CEP295: variants seen among roughly 807,000 people sequenced by gnomAD.
CEP295 encodes centrosomal protein 295.
Under a neutral mutation model 291.6 loss-of-function variants are expected in CEP295, and 190 were observed. That is an observed-to-expected ratio of 0.65 (90% CI 0.58 to 0.73). The LOEUF (loss-of-function observed/expected upper bound fraction) is 0.73. CEP295 is among the 30% of genes least tolerant of loss of function. The pLI, the probability that CEP295 is intolerant of heterozygous loss-of-function variation, is 0.00. For synonymous variants in CEP295, 993 were observed against 1,038.8 expected (o/e 0.96, Z 0.85); for missense variants, 2,863 against 2,949.4 (o/e 0.97, Z 0.68).
chr11:93,729,947 C>T lies in CEP295; in HGVS notation c.7645C>T (p.Leu2549=), dbSNP rs1938180691. Residue 2549 remains leucine, a synonymous_variant, in exon 28 of 30, where the codon CTA becomes TTA. Coordinates refer to ENST00000325212, the MANE Select transcript of CEP295 (RefSeq NM_033395.2). The part of the protein sequence containing the change: ...FPEDRKTTQA[L]RHQRGLRLYN... ...TGAAGACAGAAAGACTACACAGGCT[C>T]TAAGGCACCAAAGGGGTCTAAGGTA... 13 of 1,543,632 alleles carry T rather than the reference C, an allele frequency of 8.4e-6. No homozygotes were observed. Among genetic ancestry groups the T allele is most frequent in the Admixed American group, 2.0e-5 (1 of 49,216 alleles).
At chr11:93,705,577 T>A (rs1392233502) in intron 17 of CEP295, among the ~76,000 whole-genome samples, 1 of 152,242 alleles carries the variant, frequency 6.6e-6, no homozygotes, top group Non-Finnish European at 1.5e-5. Context: ...TCTCTGATTA[T>A]TTTCTTTTTT....
intron 18 of CEP295, among the ~76,000 whole-genome samples, chr11:93,719,246 G>GA (rs796931504): frequency 7.4e-6 from 1 of 135,526 alleles, no homozygotes; most frequent in Non-Finnish European, 1.6e-5. Context: ...TTTTTTCCGG[G>GA]TTTTTTTTTT....
At chr11:93,717,201 G>T (rs1380918247) in intron 18 of CEP295, among the ~76,000 whole-genome samples, 1 of 152,118 alleles carries the variant, frequency 6.6e-6, no homozygotes, top group Admixed American at 6.5e-5. Flanking sequence ...TTCCTGTGGT[G>T]AGGACAGTTG....
At position 93,683,760 on chromosome 11, in the gene CEP295, G is replaced by C; in HGVS notation, c.949+18G>C. 6.6e-7 allele frequency: 1 copy of C among 1,521,764 alleles called. No individual in the cohort carries two copies. The highest frequency in any genetic ancestry group is 8.8e-7 in the Non-Finnish European group (1 of 1,137,644). The allele number at this position is 1,521,764 out of a possible 1,614,324, so 94.3% of individuals were successfully genotyped here. A position where few individuals can be genotyped will look rare whatever the true frequency, so the allele number is the denominator to read the frequency against. ...AGACAGGAGTAAGATATTTTCAGTA[G>C]GGCTTTCAATAGTGATTTTATACGT... On this transcript the variant is annotated intron_variant, in intron 8 of 29. Transcript: ENST00000325212.
intron 12 of CEP295, among the ~76,000 whole-genome samples, chr11:93,692,525 G>C (rs1032302903): frequency 6.6e-6 from 1 of 152,028 alleles, no homozygotes; most frequent in Admixed American, 6.6e-5. Flanking sequence ...ACAGTGACAC[G>C]ATCATCGCTC....
intron 3 of CEP295, among the ~76,000 whole-genome samples, chr11:93,668,139 G>GACA (rs1168563644): frequency 5.9e-5 from 9 of 152,104 alleles, no homozygotes; most frequent in Non-Finnish European, 1.0e-4. Flanking sequence ...AGATTTGGTG[G>GACA]GGTGAATTCA....
chr11:93,676,901 G>T lies in CEP295; in HGVS notation c.624+1235G>T, dbSNP rs143397684. On this transcript the variant is annotated intron_variant, in intron 6 of 29. Transcript: ENST00000325212. ...TTAGATCAGTAGTTATAATGATAAA[G>T]GGTTAGAAAAAAGTTCGGGACCACA... Among the ~76,000 whole-genome samples, 65 of 151,906 alleles carry T rather than the reference G, an allele frequency of 4.3e-4. 1 individual carries two copies.
Position 93,695,609 on chromosome 11 carries a change from AAAG to A in CEP295, c.1649_1651del (p.Arg550del), listed in dbSNP as rs1413507672. ...TTCAGGGCTCAGCTGGAAGAAGAAA[AAAG>A]AAAAAAAACTCAACCGACTGGGGTA... On this transcript the variant is annotated inframe_deletion, in exon 13 of 30. Coordinates refer to ENST00000325212, the MANE Select transcript of CEP295 (RefSeq NM_033395.2). 6.7e-7 allele frequency: 1 copy of A among 1,498,140 alleles called. No homozygotes were observed. Among genetic ancestry groups the A allele is most frequent in the Non-Finnish European group, 8.8e-7 (1 of 1,132,036 alleles). The allele number at this position is 1,498,140 out of a possible 1,614,324, so 92.8% of individuals were successfully genotyped here.
In CEP295 at chr11:93,721,419, A is replaced by G; in HGVS notation, c.5850+7A>G. ...TGTGAAGCCAGATGATAAGGTTAGT[A>G]ATGTCTTAATGTTCACTCGATTTTT... On this transcript the variant is annotated splice_region_variant and intron_variant, in intron 19 of 29. Transcript: ENST00000325212. 6.6e-7 allele frequency: 1 copy of G among 1,509,766 alleles called. No individual in the cohort carries two copies. Among genetic ancestry groups the G allele is most frequent in the Non-Finnish European group, 9.2e-7 (1 of 1,085,390 alleles). The allele number at this position is 1,509,766 out of a possible 1,614,324, so 93.5% of individuals were successfully genotyped here.
intron 18 of CEP295, among the ~76,000 whole-genome samples, chr11:93,719,120 C>T (rs1036719914): frequency 1.3e-5 from 2 of 151,544 alleles, no homozygotes; most frequent in African/African-American, 4.8e-5. Context: ...AAAATAAAGA[C>T]AAAGATTTGC....
In CEP295 at chr11:93,691,675, T is replaced by G; in HGVS notation, c.1337-8T>G. 6.7e-7 allele frequency: 1 copy of G among 1,489,672 alleles called. No homozygotes were observed. The highest frequency in any genetic ancestry group is 9.1e-7 in the Non-Finnish European group (1 of 1,097,258). 92.3% of individuals were successfully genotyped at this position (1,489,672 alleles called of 1,614,324 possible). ...TATTCAAAATAACAGTGGTATTATC[T>G]ATTACAGTTGTTGAAAGTGATACAC... On this transcript the variant is annotated splice_region_variant and splice_polypyrimidine_tract_variant and intron_variant, in intron 10 of 29. Coordinates refer to ENST00000325212, the MANE Select transcript of CEP295 (RefSeq NM_033395.2).
chr11:93,688,308 G>C (rs1344880908), intron 10 of CEP295, among the ~76,000 whole-genome samples: 1 of 152,068 alleles, frequency 6.6e-6, no homozygotes, highest in Non-Finnish European at 1.5e-5. Flanking sequence ...TTTCTTATTT[G>C]CTAATTTTAA....
In CEP295 at chr11:93,730,158, A is replaced by C; in HGVS notation, c.7767+10A>C. The C allele has an allele frequency of 6.4e-7, 1 of 1,551,130 alleles. No individual in the cohort carries two copies. Among genetic ancestry groups the C allele is most frequent in the Non-Finnish European group, 8.7e-7 (1 of 1,146,770 alleles). On this transcript the variant is annotated intron_variant, in intron 29 of 29. Transcript: ENST00000325212. ...AAAAGAATTCCATAAGGTGAGTATA[A>C]CTGAGGGAGAAGGACTTAATTTTTC...
At chr11:93,695,955 G>C (rs1415444895) in intron 13 of CEP295, among the ~76,000 whole-genome samples, 1 of 152,172 alleles carries the variant, frequency 6.6e-6, no homozygotes, top group Non-Finnish European at 1.5e-5. Context: ...AGGTTGCAGA[G>C]TGAGATTCCA....
intron 14 of CEP295, 130 bp downstream of exon 14, chr11:93,696,547 G>T (rs1951853901): frequency 2.9e-6 from 3 of 1,028,024 alleles, no homozygotes; most frequent in African/African-American, 1.6e-5. Flanking sequence ...ATTCTTAAAG[G>T]ACAATGTGAG....
At chr11:93,705,111 T>G (rs1180809383) in intron 17 of CEP295, among the ~76,000 whole-genome samples, 1 of 152,200 alleles carries the variant, frequency 6.6e-6, no homozygotes, top group African/African-American at 2.4e-5. Flanking sequence ...CTCTACTACT[T>G]CAGTTAAATA....
chr11:93,697,276 A>T lies in CEP295; in HGVS notation c.2364A>T (p.Pro788=). The T allele has an allele frequency of 6.4e-7, 1 of 1,551,766 alleles. No individual in the cohort carries two copies. The highest frequency in any genetic ancestry group is 8.7e-7 in the Non-Finnish European group (1 of 1,147,016). Residue 788 remains proline, a synonymous_variant, in exon 15 of 30, where the codon CCA becomes CCT. Transcript: ENST00000325212. ...YHLTEPSSFV[P]LVPQHSFSSL... Reference sequence around the variant, plus strand: ...TAACTGAACCTTCTTCATTTGTACCACTGGTACCTCAGCATTCTTTTAGTT... The same window carrying T: ...TAACTGAACCTTCTTCATTTGTACCTCTGGTACCTCAGCATTCTTTTAGTT...
intron 12 of CEP295, among the ~76,000 whole-genome samples, chr11:93,694,458 C>G (rs566127103): frequency 6.6e-6 from 1 of 151,594 alleles, no homozygotes; most frequent in African/African-American, 2.4e-5. Context: ...TTTTTCTTTC[C>G]TTATTGAGAA....
chr11:93,677,622 G>A (rs909023528), intron 6 of CEP295, among the ~76,000 whole-genome samples: 3 of 152,096 alleles, frequency 2.0e-5, no homozygotes, highest in Non-Finnish European at 4.4e-5. Flanking sequence ...GTCAGTGACA[G>A]TTACGTAGCA....
Sources: allele counts gnomAD v4.1 joint callset (sites outside exome capture counted in the v4.1 genomes callset), GRCh38; gene constraint gnomAD v4.1.1; transcripts MANE v1.5; gene names NCBI Gene and HGNC (gene_info 2026-07-23, HGNC 2026-07-21).